Variants in P3H2 observed in about 807,000 individuals in gnomAD.
P3H2 encodes the protein prolyl 3-hydroxylase 2, also known as leprecan-like 1.
Under a neutral mutation model 87.0 loss-of-function variants are expected in P3H2, and 80 were observed. The observed-to-expected ratio is 0.92, with a 90% CI of 0.77 to 1.11. The LOEUF is 1.11. P3H2 is among the 50% of genes least tolerant of loss of function. P3H2 has a pLI of 0.00. For synonymous variants in P3H2, 367 were observed against 359.3 expected, an observed-to-expected ratio of 1.02 and a Z score of -0.24; for missense variants, 1,001 against 923.9, an observed-to-expected ratio of 1.08 and a Z score of -1.08.
At chr3:189,965,409 T>C (rs1722945583) in intron 13 of P3H2, among the ~76,000 whole-genome samples, 2 of 152,122 alleles carry the variant, frequency 1.3e-5, no homozygotes, top group Admixed American at 6.5e-5. Context: ...TGTGTGTGTA[T>C]ATGTGACTTG....
chr3:190,004,329 C>A (rs1369894772), intron 1 of P3H2, among the ~76,000 whole-genome samples: 3 of 152,312 alleles, frequency 2.0e-5, no homozygotes, highest in Middle Eastern at 3.4e-3. Flanking sequence ...AGGACCAGCG[C>A]AGAAAGTGGC....
At chr3:189,973,338 A>G (rs1459756821) in intron 10 of P3H2, among the ~76,000 whole-genome samples, 1 of 152,102 alleles carries the variant, frequency 6.6e-6, no homozygotes, top group African/African-American at 2.4e-5. Context: ...CTATTAGATC[A>G]TGATTTTACA....
At chr3:189,994,024 A>C (rs1030903499) in intron 3 of P3H2, 70 bp downstream of exon 3, 12 of 1,169,314 alleles carry the variant, frequency 1.0e-5, no homozygotes, top group African/African-American at 1.5e-5. Flanking sequence ...TTGCTGGAAT[A>C]GTTTTTTACA....
At chr3:189,990,540 T>G (rs1039348326) in intron 3 of P3H2, among the ~76,000 whole-genome samples, 1 of 151,010 alleles carries the variant, frequency 6.6e-6, no homozygotes, top group South Asian at 2.1e-4. Flanking sequence ...AAAATAGGAG[T>G]GACAGAAAGG....
chr3:190,080,125 G>T (rs1475110496), intron 1 of P3H2, among the ~76,000 whole-genome samples: 1 of 152,226 alleles, frequency 6.6e-6, no homozygotes, highest in African/African-American at 2.4e-5. Flanking sequence ...TTGAAAATCA[G>T]TTCAGAGGTG....
At chr3:189,978,253 T>C (rs1577250948) in intron 8 of P3H2, among the ~76,000 whole-genome samples, 1 of 152,248 alleles carries the variant, frequency 6.6e-6, no homozygotes, top group Non-Finnish European at 1.5e-5. Context: ...ATTTTAAACA[T>C]AATTAGCTTA....
At chr3:189,961,535 G>A (rs959775703) in intron 14 of P3H2, among the ~76,000 whole-genome samples, 5 of 151,910 alleles carry the variant, frequency 3.3e-5, no homozygotes, top group African/African-American at 4.8e-5. Context: ...GCAAAAAGAC[G>A]TCTAGGCCAG....
chr3:190,089,178 T>C (rs976295177), intron 1 of P3H2, among the ~76,000 whole-genome samples: 1 of 152,088 alleles, frequency 6.6e-6, no homozygotes, highest in African/African-American at 2.4e-5. Flanking sequence ...ATGAGAACAC[T>C]TGGACACAGA....
At chr3:190,041,281 A>T (rs1465174371) in intron 1 of P3H2, among the ~76,000 whole-genome samples, 2 of 146,848 alleles carry the variant, frequency 1.4e-5, no homozygotes, top group African/African-American at 4.9e-5. Context: ...TCTTAAAAAA[A>T]AAAAAAAAAA....
chr3:190,051,628 C>T (rs923938983), intron 1 of P3H2, among the ~76,000 whole-genome samples: 2 of 152,226 alleles, frequency 1.3e-5, no homozygotes, highest in African/African-American at 4.8e-5. Context: ...AAATCCTCAA[C>T]AATTTAATTG....
chr3:190,106,897 G>A (rs1711858717), intron 1 of P3H2, among the ~76,000 whole-genome samples: 1 of 152,126 alleles, frequency 6.6e-6, no homozygotes, highest in Admixed American at 6.6e-5. Context: ...AATTTGATGA[G>A]AAAATTTACA....
intron 1 of P3H2, among the ~76,000 whole-genome samples, chr3:190,055,807 C>T (rs1726135351): frequency 2.0e-5 from 3 of 152,148 alleles, no homozygotes; most frequent in Non-Finnish European, 4.4e-5. Context: ...AGTAAGCTTT[C>T]TATAACAATT....
intron 1 of P3H2, among the ~76,000 whole-genome samples, chr3:190,089,439 T>C (rs1469406458): frequency 1.3e-5 from 2 of 152,196 alleles, no homozygotes; most frequent in African/African-American, 4.8e-5. Flanking sequence ...AAGTAGTTGT[T>C]TGAAACAAGG....
chr3:189,991,660 A>C (rs1033288761), intron 3 of P3H2, among the ~76,000 whole-genome samples: 1 of 152,244 alleles, frequency 6.6e-6, no homozygotes, highest in Non-Finnish European at 1.5e-5. Context: ...AGTGGAAATA[A>C]GCATGGCATA....
intron 14 of P3H2, among the ~76,000 whole-genome samples, chr3:189,962,390 G>A (rs1330463511): frequency 6.6e-6 from 1 of 151,966 alleles, no homozygotes; most frequent in Non-Finnish European, 1.5e-5. Context: ...GGCCAGGCTG[G>A]TCTCCAACTC....
intron 1 of P3H2, among the ~76,000 whole-genome samples, chr3:190,035,138 C>T (rs971760953): frequency 1.4e-4 from 21 of 151,878 alleles, no homozygotes; most frequent in African/African-American, 4.4e-4. Flanking sequence ...TGTAAGCCAC[C>T]GCATCTGCCC....
intron 8 of P3H2, among the ~76,000 whole-genome samples, chr3:189,982,318 T>C (rs1723562517): frequency 6.6e-6 from 1 of 152,178 alleles, no homozygotes; most frequent in East Asian, 1.9e-4. Flanking sequence ...TGCTGGGAAA[T>C]CATAAAACAT....
chr3:189,969,167 C>G (rs1447768883), intron 13 of P3H2: 3 of 651,852 alleles, frequency 4.6e-6, no homozygotes, highest in Admixed American at 4.4e-5. Context: ...AAGTCCCGGT[C>G]CACCAAAACT....
intron 1 of P3H2, among the ~76,000 whole-genome samples, chr3:190,095,235 C>A (rs1727531908): frequency 7.1e-6 from 1 of 141,588 alleles, no homozygotes; most frequent in African/African-American, 2.6e-5. Flanking sequence ...AATATCTAAC[C>A]CAAATTTACA....
Sources: gnomAD v4.1 joint callset for allele counts (sites outside exome capture counted in the v4.1 genomes callset) on GRCh38, gnomAD v4.1.1 for gene constraint, MANE v1.5 for transcripts, NCBI Gene and HGNC (gene_info 2026-07-23, HGNC 2026-07-21) for gene names.